Variants in SEZ6L observed in about 807,000 individuals in gnomAD.
The protein encoded by SEZ6L is seizure 6-like protein.
Under a neutral mutation model 106.2 loss-of-function variants are expected in SEZ6L, and 37 were observed. The ratio of observed to expected loss-of-function variants is 0.35; its 90% confidence interval spans 0.27 to 0.46. The LOEUF (loss-of-function observed/expected upper bound fraction) is 0.46, where lower values mean the gene tolerates loss of function less well. Ranked by LOEUF, SEZ6L falls within the 20% of genes least tolerant of loss-of-function variation. The pLI, the probability that SEZ6L is intolerant of heterozygous loss-of-function variation, is 1.00. For synonymous variants in SEZ6L, 541 were observed against 570.4 expected (o/e 0.95, Z 0.73); for missense variants, 1,172 against 1,332.8 (o/e 0.88, Z 1.88).
chr22:26,219,348 A>G (rs1010150004), intron 1 of SEZ6L, among the ~76,000 whole-genome samples: 2 of 151,130 alleles, frequency 1.3e-5, no homozygotes, highest in South Asian at 4.2e-4. Flanking sequence ...AAGATTGGAC[A>G]AGTCTGAGCC....
intron 12 of SEZ6L, among the ~76,000 whole-genome samples, chr22:26,364,465 C>T (rs548676933): frequency 4.8e-4 from 73 of 150,816 alleles, no homozygotes; most frequent in Non-Finnish European, 7.8e-4. Flanking sequence ...TGGCGGGACA[C>T]GCCTATAGTC....
chr22:26,357,204 C>T (rs2083466357), intron 12 of SEZ6L, among the ~76,000 whole-genome samples: 1 of 152,148 alleles, frequency 6.6e-6, no homozygotes, highest in South Asian at 2.1e-4. Flanking sequence ...CTTGACCTCT[C>T]AAAGTGCTGG....
At chr22:26,336,296 C>G (rs1298281235) in intron 9 of SEZ6L, among the ~76,000 whole-genome samples, 1 of 152,136 alleles carries the variant, frequency 6.6e-6, no homozygotes, top group African/African-American at 2.4e-5. Flanking sequence ...GCTCCTTCTC[C>G]CTATGGATGT....
At chr22:26,348,557 G>A (rs148106820) in intron 11 of SEZ6L, among the ~76,000 whole-genome samples, 614 of 45,980 alleles carry the variant, frequency 0.013, 20 homozygotes, top group East Asian at 0.05. Context: ...AAGGAAGGAA[G>A]GAAGGGAGGA....
intron 1 of SEZ6L, among the ~76,000 whole-genome samples, chr22:26,267,359 G>T (rs1285395185): frequency 6.6e-6 from 1 of 152,212 alleles, no homozygotes; most frequent in East Asian, 1.9e-4. Flanking sequence ...GTATCCAGGG[G>T]TTTGATATGG....
At chr22:26,286,745 C>CTTTT (rs137200) in intron 1 of SEZ6L, among the ~76,000 whole-genome samples, 1 of 118,656 alleles carries the variant, frequency 8.4e-6, no homozygotes, top group African/African-American at 3.2e-5. Flanking sequence ...AGAGCTTGTG[C>CTTTT]TTTTTTTTTT....
chr22:26,286,023 G>C (rs183097293), intron 1 of SEZ6L, among the ~76,000 whole-genome samples: 117 of 152,326 alleles, frequency 7.7e-4, no homozygotes, highest in Non-Finnish European at 1.3e-3. Flanking sequence ...ATCAAGGCAG[G>C]TTGGGCGAGT....
At chr22:26,261,983 A>G (rs1036322642) in intron 1 of SEZ6L, among the ~76,000 whole-genome samples, 2 of 152,106 alleles carry the variant, frequency 1.3e-5, no homozygotes, top group Non-Finnish European at 2.9e-5. Context: ...AGCCTCCACG[A>G]TTGGGAAACA....
rs368332411 is a variant in SEZ6L, at chr22:26,310,790, G to A, written c.1635G>A (p.Thr545=). The change falls in exon 7 of 17, where the codon ACG becomes ACA. Residue 545 remains threonine, a synonymous_variant. Coordinates refer to ENST00000248933, the MANE Select transcript of SEZ6L (RefSeq NM_021115.5). Reference sequence around the variant, plus strand: ...GCAACACCATCCGCATCGAGTTCACGTCCGACCAGGCCCGGGCGGCCTCCA... The same window carrying A: ...GCAACACCATCCGCATCGAGTTCACATCCGACCAGGCCCGGGCGGCCTCCA... ...SEGNTIRIEF[T]SDQARAASTF... is the part of the protein sequence containing the mutation. The A allele has an allele frequency of 1.5e-5, 24 of 1,613,998 alleles. No individual in the cohort carries two copies. The highest frequency in any genetic ancestry group is 5.0e-5 in the Admixed American group (3 of 60,006).
intron 1 of SEZ6L, among the ~76,000 whole-genome samples, chr22:26,240,094 A>T (rs35164373): frequency 0.38 from 48,499 of 129,256 alleles, 8,663 homozygotes; most frequent in Non-Finnish European, 0.47. Context: ...ACACACACTC[A>T]CACACACACA....
chr22:26,284,620 A>AG (rs1442314137), intron 1 of SEZ6L, among the ~76,000 whole-genome samples: 2 of 151,260 alleles, frequency 1.3e-5, no homozygotes, highest in Non-Finnish European at 3.0e-5. Flanking sequence ...AAAAAAAAAA[A>AG]AAAAAAAAAA....
intron 1 of SEZ6L, among the ~76,000 whole-genome samples, chr22:26,267,023 T>C (rs1464557209): frequency 6.6e-6 from 1 of 152,214 alleles, no homozygotes; most frequent in Non-Finnish European, 1.5e-5. Context: ...AGAGGGAAGG[T>C]ATTTTGAGCA....
intron 1 of SEZ6L, among the ~76,000 whole-genome samples, chr22:26,258,795 T>C (rs2079907188): frequency 6.6e-6 from 1 of 152,186 alleles, no homozygotes; most frequent in South Asian, 2.1e-4. Flanking sequence ...AGTGCAGACC[T>C]GGGTAGACTT....
intron 4 of SEZ6L, 73 bp downstream of exon 4, chr22:26,297,153 C>G (rs1483711243): frequency 1.5e-6 from 2 of 1,320,832 alleles, no homozygotes; most frequent in Non-Finnish European, 2.0e-6. Flanking sequence ...GATTTTAAAA[C>G]TTTTTGTGCC....
At chr22:26,317,653 G>A (rs2082042388) in intron 9 of SEZ6L, among the ~76,000 whole-genome samples, 2 of 152,000 alleles carry the variant, frequency 1.3e-5, no homozygotes, top group Admixed American at 6.6e-5. Flanking sequence ...CAGCCGATCC[G>A]GGAACCTCAT....
intron 1 of SEZ6L, among the ~76,000 whole-genome samples, chr22:26,174,162 A>G (rs959279302): frequency 6.6e-6 from 1 of 152,182 alleles, no homozygotes; most frequent in Non-Finnish European, 1.5e-5. Flanking sequence ...GATATCAGAC[A>G]TCTATGGGAC....
Position 26,219,085 on chromosome 22 carries a change from C to T in SEZ6L, c.94+49322C>T, listed in dbSNP as rs550176540. Reference sequence around the variant, plus strand: ...AGCCATAGCCAGAAAGTTCTGGATTCGAGTGCTGGTTATGCCTTTAATTGG... The same window carrying T: ...AGCCATAGCCAGAAAGTTCTGGATTTGAGTGCTGGTTATGCCTTTAATTGG... On this transcript the variant is annotated intron_variant, in intron 1 of 16. Transcript: ENST00000248933. Among the ~76,000 whole-genome samples, 6 of 152,294 alleles carry T rather than the reference C, an allele frequency of 3.9e-5. No homozygotes were observed. In the South Asian group the frequency reaches 1.0e-3, roughly 26 times the overall value.
chr22:26,323,708 A>C (rs2082220059), intron 9 of SEZ6L, among the ~76,000 whole-genome samples: 1 of 152,184 alleles, frequency 6.6e-6, no homozygotes, highest in Admixed American at 6.5e-5. Flanking sequence ...AGATAACCAT[A>C]GCTAACACTA....
rs139910463 is a variant in SEZ6L at position 26,175,934 on chromosome 22, A to T, written c.94+6171A>T. On this transcript the variant is annotated intron_variant, in intron 1 of 16. Coordinates refer to ENST00000248933, the MANE Select transcript of SEZ6L (RefSeq NM_021115.5). ...GATGCTTTGCACATACCAAGAAATC[A>T]GTCCTTGAGGAAGTAAGTGCTGGCA... is the stretch of plus-strand genomic sequence containing the variant. 6.0e-4 allele frequency among the ~76,000 whole-genome samples: 91 copies of T among 152,342 alleles called. No homozygotes were observed. The East Asian group carries it at 8.7e-3, about 15-fold the overall frequency.
Sources: allele counts gnomAD v4.1 joint callset (sites outside exome capture counted in the v4.1 genomes callset), GRCh38; gene constraint gnomAD v4.1.1; transcripts MANE v1.5; gene names NCBI Gene and HGNC (gene_info 2026-07-23, HGNC 2026-07-21).